Variants in METAP1D observed in about 807,000 individuals in gnomAD.
METAP1D encodes methionyl aminopeptidase type 1D, mitochondrial, also known as methionine aminopeptidase 1D, mitochondrial.
Under a neutral mutation model 40.5 loss-of-function variants are expected in METAP1D, and 31 were observed. The ratio of observed to expected loss-of-function variants is 0.77; its 90% confidence interval spans 0.58 to 1.03. The LOEUF is 1.03. METAP1D is among the 50% of genes least tolerant of loss of function. The pLI, the probability that METAP1D is intolerant of heterozygous loss-of-function variation, is 0.00. For synonymous variants in METAP1D, 151 were observed against 146.4 expected (o/e 1.03, Z -0.22); for missense variants, 411 against 420.7 (o/e 0.98, Z 0.20).
chr2:172,010,343 T>C (rs1038255382), intron 1 of METAP1D, among the ~76,000 whole-genome samples: 1 of 151,596 alleles, frequency 6.6e-6, no homozygotes, highest in East Asian at 1.9e-4. Context: ...GGTTTCACCA[T>C]GTTGCCCAGG....
chr2:172,070,421 G>T (rs1285902300), intron 5 of METAP1D, among the ~76,000 whole-genome samples: 2 of 152,104 alleles, frequency 1.3e-5, no homozygotes, highest in African/African-American at 4.8e-5. Context: ...ATACAGACAT[G>T]TCTATCTTAC....
intron 1 of METAP1D, among the ~76,000 whole-genome samples, chr2:172,035,354 T>C (rs1244986291): frequency 6.6e-6 from 1 of 152,026 alleles, no homozygotes; most frequent in Non-Finnish European, 1.5e-5. Context: ...TTAGTAGAGA[T>C]GGGGTTTCAC....
At chr2:172,000,036 A>G in intron 1 of METAP1D, 27 bp downstream of exon 1, 1 of 1,300,036 alleles carries the variant, frequency 7.7e-7, no homozygotes. Context: ...GAGCCCCGTG[A>G]GGGTTCGCAC....
intron 1 of METAP1D, among the ~76,000 whole-genome samples, chr2:172,043,481 ATGTT>A (rs1424215259): frequency 7.5e-6 from 1 of 134,226 alleles, no homozygotes; most frequent in Non-Finnish European, 1.7e-5. Flanking sequence ...GTCTGCATGT[ATGTT>A]TGATTTTTGA....
At chr2:172,036,301 A>G (rs1689383070) in intron 1 of METAP1D, among the ~76,000 whole-genome samples, 1 of 140,590 alleles carries the variant, frequency 7.1e-6, no homozygotes, top group Admixed American at 7.2e-5. Context: ...TGGGCGACAG[A>G]GCGAGACTCT....
intron 1 of METAP1D, among the ~76,000 whole-genome samples, chr2:172,023,420 G>A (rs1418377837): frequency 6.6e-6 from 1 of 152,114 alleles, no homozygotes; most frequent in Non-Finnish European, 1.5e-5. Context: ...TTCAATCCCT[G>A]ACCTCACCAG....
rs145640663 is a variant in METAP1D at position 172,026,104 on chromosome 2, A to G, written c.40+26095A>G. On this transcript the variant is annotated intron_variant, in intron 1 of 9. Transcript: ENST00000315796. ...GTTTTGTTAGAATTAGGAACCAAAC[A>G]TATTCCCATGTTGCATTTGGCTGAT... is the stretch of plus-strand genomic sequence containing the variant. 2.7e-3 allele frequency among the ~76,000 whole-genome samples: 410 copies of G among 152,344 alleles called. 13 individuals are homozygous for G. The East Asian group carries it at 0.067, about 25-fold the overall frequency.
At chr2:172,065,906 C>T (rs541520378) in intron 4 of METAP1D, among the ~76,000 whole-genome samples, 154 bp downstream of exon 4, 1 of 152,306 alleles carries the variant, frequency 6.6e-6, no homozygotes, top group African/African-American at 2.4e-5. Context: ...AAGTATTTTA[C>T]TTCTAAATGG....
chr2:172,058,684 G>A (rs924558691), intron 1 of METAP1D, among the ~76,000 whole-genome samples: 1 of 152,010 alleles, frequency 6.6e-6, no homozygotes. Context: ...CCTGAGTTTT[G>A]TAACTTCTTT....
At chr2:172,044,771 T>A (rs1237889223) in intron 1 of METAP1D, among the ~76,000 whole-genome samples, 1 of 133,952 alleles carries the variant, frequency 7.5e-6, no homozygotes. Flanking sequence ...CTGGTCGTGG[T>A]GGCACATGCC....
intron 1 of METAP1D, among the ~76,000 whole-genome samples, chr2:172,056,055 CTG>C (rs1689995634): frequency 6.6e-6 from 1 of 152,162 alleles, no homozygotes; most frequent in African/African-American, 2.4e-5. Context: ...CCTATAATGA[CTG>C]TGTACTTGAA....
chr2:172,055,614 G>A (rs973326928), intron 1 of METAP1D, among the ~76,000 whole-genome samples: 2 of 152,142 alleles, frequency 1.3e-5, no homozygotes, highest in African/African-American at 4.8e-5. Flanking sequence ...GAAAACACCA[G>A]ATTTTATTTC....
Position 172,080,317 on chromosome 2 carries a change from C to T in METAP1D, c.930-11C>T, listed in dbSNP as rs372470857. ...GCGTGCGCGTTCTGACGGCTGGGTG[C>T]TGTGTTACAGGTCGGCGCAGTTCGA... On this transcript the variant is annotated splice_polypyrimidine_tract_variant and intron_variant, in intron 9 of 9. Coordinates refer to ENST00000315796, the MANE Select transcript of METAP1D (RefSeq NM_199227.3). 3.3e-4 allele frequency: 529 copies of T among 1,614,040 alleles called. No individual in the cohort carries two copies. Among genetic ancestry groups the T allele is most frequent in the Admixed American group, 4.8e-4 (29 of 60,008 alleles).
At chr2:172,062,930 T>A (rs1250743800) in intron 2 of METAP1D, among the ~76,000 whole-genome samples, 1 of 152,224 alleles carries the variant, frequency 6.6e-6, no homozygotes, top group Admixed American at 6.5e-5. Flanking sequence ...TAGTTTGTAA[T>A]GCATTATAAA....
intron 1 of METAP1D, among the ~76,000 whole-genome samples, chr2:172,036,235 T>A (rs943548978): frequency 6.8e-5 from 10 of 146,934 alleles, no homozygotes; most frequent in African/African-American, 2.5e-4. Flanking sequence ...GAGAATGGCG[T>A]GAACCCGGGA....
At chr2:172,007,843 C>T (rs1249738527) in intron 1 of METAP1D, among the ~76,000 whole-genome samples, 11 of 152,052 alleles carry the variant, frequency 7.2e-5, no homozygotes, top group Non-Finnish European at 8.8e-5. Flanking sequence ...GCGCATGCCA[C>T]GACACCCGGC....
intron 1 of METAP1D, among the ~76,000 whole-genome samples, chr2:172,043,672 AC>A (rs1213032678): frequency 7.4e-6 from 1 of 135,306 alleles, no homozygotes; most frequent in African/African-American, 2.5e-5. Context: ...GTTAAAAAAA[AC>A]CAAGGATAGA....
chr2:172,038,323 A>T (rs1443942919), intron 1 of METAP1D, among the ~76,000 whole-genome samples: 1 of 152,178 alleles, frequency 6.6e-6, no homozygotes, highest in Admixed American at 6.5e-5. Flanking sequence ...CACATTGTTT[A>T]TGTCGGAAAA....
In METAP1D at chr2:172,042,219, A is replaced by ACG. The variant is rs1689558124; in HGVS notation, c.41-19279_41-19278insCG. Among the ~76,000 whole-genome samples the ACG allele has an allele frequency of 9.0e-5, 2 of 22,344 alleles. 1 individual carries two copies. Among genetic ancestry groups the ACG allele is most frequent in the African/African-American group, 1.6e-4 (2 of 12,756 alleles). 14.7% of individuals were successfully genotyped at this position (22,344 alleles called of 152,430 possible). On this transcript the variant is annotated intron_variant, in intron 1 of 9. Transcript: ENST00000315796. Reference sequence around the variant, plus strand: ...TACACATATACATATGTATGTGTACATGTGTACACATATACATATGTATGT... The same window carrying ACG: ...TACACATATACATATGTATGTGTACACGTGTGTACACATATACATATGTATGT...
Sources: allele counts gnomAD v4.1 joint callset (sites outside exome capture counted in the v4.1 genomes callset), GRCh38; gene constraint gnomAD v4.1.1; transcripts MANE v1.5; gene names NCBI Gene and HGNC (gene_info 2026-07-23, HGNC 2026-07-21).